Variants in RASA1 observed in about 807,000 individuals in gnomAD.
RASA1 encodes the protein ras GTPase-activating protein 1.
A neutral mutation model predicts 132.2 loss-of-function variants in RASA1; 25 were observed. The observed-to-expected ratio is 0.19, with a 90% CI of 0.14 to 0.26. The LOEUF is 0.26. Ranked by LOEUF, RASA1 falls within the 10% of genes least tolerant of loss-of-function variation. The probability of loss-of-function intolerance (pLI) is 1.00; values close to 1 mark genes in which losing one functional copy is unlikely to be tolerated. For synonymous variants in RASA1, 477 were observed against 449.9 expected (o/e 1.06, Z -0.76); for missense variants, 964 against 1,299.2 (o/e 0.74, Z 3.97).
Position 87,391,106 on chromosome 5 carries a change from A to AATCTTTAACAACCTCTGAGCCT in RASA1, c.*224_*245dup. On this transcript the variant is annotated 3_prime_UTR_variant, in exon 25 of 25. Coordinates refer to ENST00000274376, the MANE Select transcript of RASA1 (RefSeq NM_002890.3). ...ATTTGCACTATTTCCACATGGAATCAATCTTTAACAACCTCTGAGCCTTGG... is the reference window on the plus strand; with the variant it reads ...ATTTGCACTATTTCCACATGGAATCAATCTTTAACAACCTCTGAGCCTATCTTTAACAACCTCTGAGCCTTGG... 1.6e-6 allele frequency: 1 copy of AATCTTTAACAACCTCTGAGCCT among 620,690 alleles called. No homozygotes were observed. Among genetic ancestry groups the AATCTTTAACAACCTCTGAGCCT allele is most frequent in the Non-Finnish European group, 2.9e-6 (1 of 346,492 alleles). 38.4% of individuals were successfully genotyped at this position (620,690 alleles called of 1,614,324 possible).
chr5:87,378,652 C>T, intron 18 of RASA1, 114 bp downstream of exon 18: 3 of 1,135,696 alleles, frequency 2.6e-6, no homozygotes, highest in Non-Finnish European at 3.8e-6. Flanking sequence ...AATTATTCCT[C>T]ATAGCAGTTA....
intron 1 of RASA1, chr5:87,269,229 G>A (rs1320237630): frequency 1.3e-6 from 2 of 1,555,648 alleles, no homozygotes; most frequent in African/African-American, 1.4e-5. Flanking sequence ...AAGATGGAAA[G>A]CATGAGAAAA....
chr5:87,316,969 A>G (rs911424301), intron 1 of RASA1, among the ~76,000 whole-genome samples: 1 of 151,360 alleles, frequency 6.6e-6, no homozygotes. Flanking sequence ...TGCAACCTCT[A>G]CCTCCTGGAT....
At chr5:87,389,923 G>T (rs1361291700) in intron 24 of RASA1, among the ~76,000 whole-genome samples, 2 of 152,064 alleles carry the variant, frequency 1.3e-5, no homozygotes, top group Non-Finnish European at 2.9e-5. Flanking sequence ...TGAAACAAAT[G>T]ATTATTATTT....
intron 7 of RASA1, among the ~76,000 whole-genome samples, chr5:87,348,071 G>A (rs1435153008): frequency 6.6e-6 from 1 of 151,950 alleles, no homozygotes; most frequent in Non-Finnish European, 1.5e-5. Context: ...TATTCTAGAA[G>A]AAATTTAGAG....
At chr5:87,313,268 A>T (rs934762323) in intron 1 of RASA1, among the ~76,000 whole-genome samples, 1 of 152,192 alleles carries the variant, frequency 6.6e-6, no homozygotes, top group African/African-American at 2.4e-5. Flanking sequence ...AATATCTTTG[A>T]GGTGGCTGAA....
intron 1 of RASA1, among the ~76,000 whole-genome samples, chr5:87,309,033 A>G (rs1204021619): frequency 6.6e-6 from 1 of 152,150 alleles, no homozygotes; most frequent in Non-Finnish European, 1.5e-5. Flanking sequence ...AAAATACAAC[A>G]TATTAAAAAA....
chr5:87,295,136 C>A (rs932646274), intron 1 of RASA1, among the ~76,000 whole-genome samples: 1 of 152,050 alleles, frequency 6.6e-6, no homozygotes, highest in South Asian at 2.1e-4. Context: ...AAGTTGGCTC[C>A]GTCTGAAATT....
Position 87,349,224 on chromosome 5 carries a change from C to G in RASA1, c.1113C>G (p.Val371=), listed in dbSNP as rs1580325656. The G allele has an allele frequency of 1.2e-6, 2 of 1,611,770 alleles. No individual in the cohort carries two copies. Reference sequence around the variant, plus strand: ...GCTTAATTCTTACAGTTGGTCAAGTCTGCAGTTTTCTTGTGAGGCCCTCAG... The same window carrying G: ...GCTTAATTCTTACAGTTGGTCAAGTGTGCAGTTTTCTTGTGAGGCCCTCAG... ...AYNLLMTVGQ[V]CSFLVRPSDN... Residue 371 remains valine (V), a synonymous_variant, in exon 8 of 25, where the codon GTC becomes GTG. Coordinates refer to ENST00000274376, the MANE Select transcript of RASA1 (RefSeq NM_002890.3).
In RASA1 at chr5:87,268,502, A is replaced by C; in HGVS notation, c.51A>C (p.Gly17=). ...GSEEGGPVTA[G]AGGGGAAAGS... ...AGGAGGGCGGCCCGGTAACAGCCGG[A>C]GCTGGAGGAGGCGGCGCGGCAGCGG... Residue 17 remains glycine (G), a synonymous_variant, in exon 1 of 25, where the codon GGA becomes GGC. Transcript: ENST00000274376. The C allele has an allele frequency of 6.4e-7, 1 of 1,559,442 alleles. No homozygotes were observed. The highest frequency in any genetic ancestry group is 8.7e-7 in the Non-Finnish European group (1 of 1,155,016).
chr5:87,313,468 A>C (rs1419189889), intron 1 of RASA1, among the ~76,000 whole-genome samples: 2 of 152,226 alleles, frequency 1.3e-5, no homozygotes, highest in Non-Finnish European at 2.9e-5. Flanking sequence ...CGTGGATTTC[A>C]GTAAGCGATT....
In RASA1 at chr5:87,391,359, T is replaced by G. The variant is rs543819845; in HGVS notation, c.*476T>G. The G allele has an allele frequency of 1.9e-3, 524 of 273,418 alleles. 4 individuals are homozygous for G. Among genetic ancestry groups the G allele is most frequent in the Admixed American group, 4.2e-3 (90 of 21,302 alleles). 16.9% of individuals were successfully genotyped at this position (273,418 alleles called of 1,614,324 possible). On this transcript the variant is annotated 3_prime_UTR_variant, in exon 25 of 25. Transcript: ENST00000274376. Reference sequence around the variant, plus strand: ...CTGATTAGGAATATGACCATTTGACTGTTCAATGATTATTTGTATTTACAG... The same window carrying G: ...CTGATTAGGAATATGACCATTTGACGGTTCAATGATTATTTGTATTTACAG...
rs1267706462 is a variant in RASA1, at chr5:87,331,627, T to C, written c.692+127T>C. 17 of 1,068,108 alleles carry C rather than the reference T, an allele frequency of 1.6e-5. No individual in the cohort carries two copies. In the East Asian group the frequency reaches 4.1e-4, roughly 26 times the overall value. 66.2% of individuals were successfully genotyped at this position (1,068,108 alleles called of 1,614,324 possible). A position where few individuals can be genotyped will look rare whatever the true frequency, so the allele number is the denominator to read the frequency against. On this transcript the variant is annotated intron_variant, in intron 2 of 24. Transcript: ENST00000274376. ...AATAGAGAAGGAAGCTTGTTTTCAG[T>C]CAAATGATTTAATCAGTGATTTAGA...
chr5:87,352,963 A>C (rs1759383134), intron 8 of RASA1, among the ~76,000 whole-genome samples, 194 bp from the exon 9 acceptor site: 1 of 151,936 alleles, frequency 6.6e-6, no homozygotes, highest in African/African-American at 2.4e-5. Flanking sequence ...TGGCCTGTAA[A>C]TCTATATTGA....
At chr5:87,332,238 G>A (rs1175921944) in intron 2 of RASA1, among the ~76,000 whole-genome samples, 1 of 152,014 alleles carries the variant, frequency 6.6e-6, no homozygotes, top group Admixed American at 6.6e-5. Flanking sequence ...GTATCTGAGG[G>A]TGAGTTTTCA....
At chr5:87,325,638 G>C (rs1757174198) in intron 1 of RASA1, among the ~76,000 whole-genome samples, 1 of 152,184 alleles carries the variant, frequency 6.6e-6, no homozygotes, top group Admixed American at 6.5e-5. Context: ...GTGCCTGTCA[G>C]TAATATAACC....
intron 11 of RASA1, among the ~76,000 whole-genome samples, chr5:87,365,627 A>G (rs917237733): frequency 6.6e-6 from 1 of 152,102 alleles, no homozygotes; most frequent in African/African-American, 2.4e-5. Context: ...GCCTTAATGT[A>G]CAGATGTTAA....
In RASA1 at chr5:87,385,021, A is replaced by C. The variant is rs548411115; in HGVS notation, c.2759-280A>C. On this transcript the variant is annotated intron_variant, in intron 21 of 24. Transcript: ENST00000274376. ...GTAAAGCTTTGAGGTCCTTTGAAAT[A>C]GTATCAACCGTTGGAAACTGCTGAG... Among the ~76,000 whole-genome samples, 151 of 152,208 alleles carry C rather than the reference A, an allele frequency of 9.9e-4. 1 individual carries two copies. Among genetic ancestry groups the C allele is most frequent in the African/African-American group, 3.6e-3 (150 of 41,556 alleles).
chr5:87,309,232 C>A (rs906877059), intron 1 of RASA1, among the ~76,000 whole-genome samples: 4 of 151,982 alleles, frequency 2.6e-5, no homozygotes, highest in Non-Finnish European at 5.9e-5. Context: ...ATGACTGTTG[C>A]TCTGTAGGTT....
Sources: gnomAD v4.1 joint callset for allele counts (sites outside exome capture counted in the v4.1 genomes callset) on GRCh38, gnomAD v4.1.1 for gene constraint, MANE v1.5 for transcripts, NCBI Gene and HGNC (gene_info 2026-07-23, HGNC 2026-07-21) for gene names.